The following SPAG16 variants were observed in gnomAD, a reference collection of about 807,000 sequenced individuals.
SPAG16 encodes the protein sperm associated antigen 16.
A neutral mutation model predicts 80.4 loss-of-function variants in SPAG16; 86 were observed. The ratio of observed to expected loss-of-function variants is 1.07; its 90% CI spans 0.90 to 1.28. SPAG16 has a LOEUF of 1.28. Ranked by LOEUF, SPAG16 falls within the 50% of genes most tolerant of loss-of-function variation. SPAG16 has a pLI of 0.00. For synonymous variants in SPAG16, 294 were observed against 265.9 expected (o/e 1.11, Z -1.03); for missense variants, 870 against 765.3 (o/e 1.14, Z -1.61).
intron 15 of SPAG16, among the ~76,000 whole-genome samples, chr2:214,230,467 T>C (rs1273942856): frequency 6.6e-6 from 1 of 152,050 alleles, no homozygotes; most frequent in Non-Finnish European, 1.5e-5. Flanking sequence ...CCGTCAGTGA[T>C]ATTAAATATT....
intron 12 of SPAG16, among the ~76,000 whole-genome samples, chr2:213,944,231 C>T (rs1046775050): frequency 1.3e-5 from 2 of 152,234 alleles, no homozygotes; most frequent in Non-Finnish European, 2.9e-5. Flanking sequence ...CTTGGCAGAG[C>T]AACTGGGGCC....
At chr2:214,105,767 A>G (rs564528238) in intron 13 of SPAG16, among the ~76,000 whole-genome samples, 261 of 152,146 alleles carry the variant, frequency 1.7e-3, no homozygotes, top group Non-Finnish European at 2.4e-3. Context: ...ATTGCTTTTG[A>G]TTAAGGCTGT....
intron 10 of SPAG16, among the ~76,000 whole-genome samples, chr2:213,517,857 G>T (rs951217560): frequency 2.0e-5 from 3 of 152,110 alleles, no homozygotes; most frequent in African/African-American, 7.2e-5. Context: ...AATTCTAGAA[G>T]AAAACCCTAG....
At chr2:213,617,505 C>A (rs2061638876) in intron 10 of SPAG16, among the ~76,000 whole-genome samples, 1 of 152,158 alleles carries the variant, frequency 6.6e-6, no homozygotes, top group Admixed American at 6.5e-5. Context: ...CCATGTTCAG[C>A]TAGTTTTTGT....
At chr2:214,396,872 A>G (rs905549775) in intron 15 of SPAG16, among the ~76,000 whole-genome samples, 2 of 152,184 alleles carry the variant, frequency 1.3e-5, no homozygotes, top group South Asian at 4.1e-4. Flanking sequence ...ACTGAAACAT[A>G]AAATGTATCA....
chr2:213,651,105 A>G (rs1459150673), intron 10 of SPAG16, among the ~76,000 whole-genome samples: 1 of 152,178 alleles, frequency 6.6e-6, no homozygotes. Flanking sequence ...TTCCTTTGAT[A>G]ACTACTAAAT....
At chr2:213,648,508 C>T (rs906061249) in intron 10 of SPAG16, among the ~76,000 whole-genome samples, 1 of 152,068 alleles carries the variant, frequency 6.6e-6, no homozygotes, top group African/African-American at 2.4e-5. Context: ...TATACAAATT[C>T]ATTGTAAAAC....
chr2:213,994,260 G>A (rs1379212530), intron 12 of SPAG16, among the ~76,000 whole-genome samples: 2 of 152,076 alleles, frequency 1.3e-5, no homozygotes, highest in Non-Finnish European at 2.9e-5. Flanking sequence ...GTGCCCTAAT[G>A]TAGTTCATAG....
chr2:213,879,618 A>G (rs1380494955), intron 11 of SPAG16, among the ~76,000 whole-genome samples: 4 of 151,962 alleles, frequency 2.6e-5, no homozygotes, highest in South Asian at 2.1e-4. Context: ...TTGTTTTTCA[A>G]ACCATGACCT....
At chr2:213,789,160 A>C (rs947469161) in intron 10 of SPAG16, among the ~76,000 whole-genome samples, 4 of 151,946 alleles carry the variant, frequency 2.6e-5, no homozygotes, top group Non-Finnish European at 5.9e-5. Flanking sequence ...ATAGATTAAA[A>C]ATCCTTTCAA....
intron 15 of SPAG16, among the ~76,000 whole-genome samples, chr2:214,162,498 A>G (rs918588087): frequency 5.9e-5 from 9 of 152,100 alleles, no homozygotes; most frequent in African/African-American, 2.2e-4. Flanking sequence ...AACAATAATG[A>G]CTATAGAGGG....
chr2:213,617,258 A>G (rs1289062447), intron 10 of SPAG16, among the ~76,000 whole-genome samples: 1 of 152,168 alleles, frequency 6.6e-6, no homozygotes, highest in South Asian at 2.1e-4. Flanking sequence ...CATAAAAACA[A>G]TGAGGCATTT....
At chr2:213,557,492 T>C (rs114810158) in intron 10 of SPAG16, among the ~76,000 whole-genome samples, 1,849 of 152,170 alleles carry the variant, frequency 0.012, 34 homozygotes, top group African/African-American at 0.031. Flanking sequence ...TAGAGTATTC[T>C]GAAAACGTTT....
chr2:213,762,497 A>G (rs1049813046), intron 10 of SPAG16, among the ~76,000 whole-genome samples: 11 of 152,210 alleles, frequency 7.2e-5, no homozygotes, highest in African/African-American at 1.9e-4. Context: ...CACATATGCA[A>G]TCAAATTATC....
intron 15 of SPAG16, among the ~76,000 whole-genome samples, chr2:214,217,996 G>T (rs1344137720): frequency 6.6e-6 from 1 of 151,916 alleles, no homozygotes; most frequent in East Asian, 1.9e-4. Context: ...CTATATTTTA[G>T]GTTAATGCAT....
chr2:213,694,827 TGTAA>T (rs1367502460), intron 10 of SPAG16, among the ~76,000 whole-genome samples: 9 of 151,962 alleles, frequency 5.9e-5, no homozygotes, highest in Middle Eastern at 3.4e-3. Flanking sequence ...TTCTGAATTC[TGTAA>T]GTATTATTGC....
At chr2:213,785,150 A>G (rs2070256742) in intron 10 of SPAG16, among the ~76,000 whole-genome samples, 1 of 152,188 alleles carries the variant, frequency 6.6e-6, no homozygotes, top group South Asian at 2.1e-4. Context: ...GCTCTCAGGT[A>G]ACCATCGTTA....
At chr2:213,790,398 G>A (rs552237503) in intron 10 of SPAG16, among the ~76,000 whole-genome samples, 6 of 151,864 alleles carry the variant, frequency 4.0e-5, no homozygotes, top group East Asian at 3.9e-4. Context: ...AAGAACTGCC[G>A]TCACTAGCTT....
chr2:213,979,879 TG>T (rs1300162412), intron 12 of SPAG16, among the ~76,000 whole-genome samples: 1 of 152,046 alleles, frequency 6.6e-6, no homozygotes, highest in East Asian at 1.9e-4. Flanking sequence ...CTTTTGAAAT[TG>T]TCTATCTTTG....
Sources: allele counts gnomAD v4.1 joint callset (sites outside exome capture counted in the v4.1 genomes callset), GRCh38; gene constraint gnomAD v4.1.1; transcripts MANE v1.5; gene names NCBI Gene and HGNC (gene_info 2026-07-23, HGNC 2026-07-21).